CLK3: variants seen among roughly 807,000 people sequenced by gnomAD.
CLK3 encodes dual specificity protein kinase CLK3.
A neutral mutation model predicts 65.2 loss-of-function variants in CLK3; 24 were observed. That is an observed-to-expected ratio of 0.37 (90% CI 0.27 to 0.52). The LOEUF (loss-of-function observed/expected upper bound fraction) is 0.52. Ranked by LOEUF, CLK3 falls within the 20% of genes least tolerant of loss-of-function variation. The pLI, the probability that CLK3 is intolerant of heterozygous loss-of-function variation, is 0.92. For missense variants in CLK3, 506 were observed against 660.0 expected (o/e 0.77, Z 2.56); for synonymous variants, 252 against 240.8 (o/e 1.05, Z -0.43).
rs2062110841 is a variant in CLK3 at position 74,622,399 on chromosome 15, TTTTTTG to T, written c.467-88_467-83del. 3 of 1,135,470 alleles carry T rather than the reference TTTTTTG, an allele frequency of 2.6e-6. No homozygotes were observed. The highest frequency in any genetic ancestry group is 4.7e-5 in the East Asian group (2 of 42,232). 70.3% of individuals were successfully genotyped at this position (1,135,470 alleles called of 1,614,324 possible). A position where few individuals can be genotyped will look rare whatever the true frequency, so the allele number is the denominator to read the frequency against. On this transcript the variant is annotated intron_variant, in intron 4 of 12. Coordinates refer to ENST00000395066, the MANE Select transcript of CLK3 (RefSeq NM_001130028.2). The surrounding 1 kb of genome is among the most constrained non-coding windows in gnomAD (Gnocchi z 4.6). ...AGAGTGTAGCAGTGAGAGAGAAACC[TTTTTTG>T]TTTTTGAGAATTTGAATGCTGTGAA...
chr15:74,629,116 G>A (rs779619762), intron 12 of CLK3, 84 bp downstream of exon 12: 3 of 1,035,042 alleles, frequency 2.9e-6, no homozygotes, highest in Admixed American at 1.8e-5. Flanking sequence ...GACAGGCCAG[G>A]CCGCTAAAGG....
chr15:74,628,458 CAGG>C (rs1418326192), intron 10 of CLK3, 143 bp from the exon 11 acceptor site: 7 of 607,466 alleles, frequency 1.2e-5, no homozygotes, highest in Non-Finnish European at 1.8e-5. Flanking sequence ...CACAGGCTGG[CAGG>C]AGAAGCTGGG....
chr15:74,627,822 C>A lies in CLK3; in HGVS notation c.1043-148C>A. On this transcript the variant is annotated intron_variant, in intron 9 of 12. Coordinates refer to ENST00000395066, the MANE Select transcript of CLK3 (RefSeq NM_001130028.2). This position sits in a 1 kb window ranked among gnomAD's most constrained non-coding sequence, Gnocchi z 4.3. ...GTGTCATGAGACACAGGTGACTGAC[C>A]TGGCTTTATCTGTCAGCCTTACTGA... 2 of 1,230,844 alleles carry A rather than the reference C, an allele frequency of 1.6e-6. No individual in the cohort carries two copies. Among genetic ancestry groups the A allele is most frequent in the Non-Finnish European group, 2.4e-6 (2 of 850,902 alleles). The allele number at this position is 1,230,844 out of a possible 1,614,324, so 76.2% of individuals were successfully genotyped here.
chr15:74,622,473 C>T lies in CLK3; in HGVS notation c.467-21C>T, dbSNP rs756767880. ...CCCCCTGCCCTCCAGATTCTCATGC[C>T]CAATTTCTTTTCTCTCCTAGATGAG... On this transcript the variant is annotated intron_variant, in intron 4 of 12. Coordinates refer to ENST00000395066, the MANE Select transcript of CLK3 (RefSeq NM_001130028.2). This position sits in a 1 kb window ranked among gnomAD's most constrained non-coding sequence, Gnocchi z 4.6. 1.3e-6 allele frequency: 2 copies of T among 1,590,354 alleles called. No individual in the cohort carries two copies. Among genetic ancestry groups the T allele is most frequent in the Non-Finnish European group, 1.7e-6 (2 of 1,168,592 alleles).
Position 74,624,753 on chromosome 15 carries a change from T to C in CLK3, c.534-149T>C, listed in dbSNP as rs1055825019. ...GGGTGGGCAAAGGTCTGGTGTTGCA[T>C]GGGGCAGGCTGGGCATCCAGTATCT... On this transcript the variant is annotated intron_variant, in intron 5 of 12. Transcript: ENST00000395066. This position sits in a 1 kb window ranked among gnomAD's most constrained non-coding sequence, Gnocchi z 4.2. 8 of 639,502 alleles carry C rather than the reference T, an allele frequency of 1.3e-5. No homozygotes were observed. Among genetic ancestry groups the C allele is most frequent in the Non-Finnish European group, 2.3e-5 (8 of 346,856 alleles). The allele number at this position is 639,502 out of a possible 1,614,324, so 39.6% of individuals were successfully genotyped here.
rs1435948404 is a variant in CLK3 at position 74,624,224 on chromosome 15, G to C, written c.534-678G>C. 1 of 152,360 alleles carries C rather than the reference G, an allele frequency of 6.6e-6. No individual in the cohort carries two copies. The highest frequency in any genetic ancestry group is 1.5e-5 in the Non-Finnish European group (1 of 68,150). The allele number at this position is 152,360 out of a possible 1,614,324, so 9.4% of individuals were successfully genotyped here. On this transcript the variant is annotated intron_variant, in intron 5 of 12. Transcript: ENST00000395066. This position sits in a 1 kb window ranked among gnomAD's most constrained non-coding sequence, Gnocchi z 4.2. ...TTTCCTTCTCTGCTGGCTCCCTGCA[G>C]ATGGCCTCCTGGGGTGAGGTTGGGG...
intron 1 of CLK3, among the ~76,000 whole-genome samples, chr15:74,618,726 T>G (rs1325597556): frequency 6.6e-6 from 1 of 152,230 alleles, no homozygotes; most frequent in East Asian, 1.9e-4. Context: ...TTCTCAAACT[T>G]GAGGGCTTTG....
chr15:74,623,282 A>G (rs79672886), intron 5 of CLK3, among the ~76,000 whole-genome samples: 16 of 152,306 alleles, frequency 1.1e-4, no homozygotes, highest in African/African-American at 3.6e-4. Context: ...TAGGCTCTCT[A>G]GTTGGTTTGG....
At chr15:74,615,499 G>A, upstream of CLK3, 1 of 1,310,382 alleles carries the variant, frequency 7.6e-7, no homozygotes, top group Non-Finnish European at 9.7e-7. Context: ...CGGACCACGC[G>A]GGGTCGGGGC....
At chr15:74,626,757 A>T (rs1264338027) in intron 7 of CLK3, among the ~76,000 whole-genome samples, 4 of 152,126 alleles carry the variant, frequency 2.6e-5, no homozygotes, top group African/African-American at 9.7e-5. Context: ...TGAGTGCCAG[A>T]TGGGATCCTT....
upstream of CLK3, among the ~76,000 whole-genome samples, chr15:74,611,209 C>G (rs1485846576): frequency 1.3e-5 from 2 of 152,200 alleles, no homozygotes; most frequent in African/African-American, 2.4e-5. Context: ...AACACCGCAG[C>G]CTTGCTGGGG....
At chr15:74,615,599 CG>C, upstream of CLK3, 1 of 1,257,234 alleles carries the variant, frequency 8.0e-7, no homozygotes, top group Non-Finnish European at 1.0e-6. Context: ...CCTGTCAGGT[CG>C]GGGGACCTAC....
intron 1 of CLK3, among the ~76,000 whole-genome samples, chr15:74,616,957 C>T (rs2062065328): frequency 6.6e-6 from 1 of 152,190 alleles, no homozygotes; most frequent in African/African-American, 2.4e-5. Flanking sequence ...CCTTTAGCTG[C>T]TTTTTAAACA....
At chr15:74,609,478 C>T (rs571810301) in intron 1 of CLK3, among the ~76,000 whole-genome samples, 5 of 152,378 alleles carry the variant, frequency 3.3e-5, no homozygotes, top group Admixed American at 1.3e-4. Flanking sequence ...ACATTGGAAT[C>T]CCCCAGGAAT....
At chr15:74,615,718 C>G, upstream of CLK3, 15 of 1,238,764 alleles carry the variant, frequency 1.2e-5, no homozygotes, top group Non-Finnish European at 1.5e-5. Flanking sequence ...AGGGCTGGTG[C>G]CCCGGAGCCT....
At chr15:74,619,660 C>T (rs1401116720) in intron 2 of CLK3, among the ~76,000 whole-genome samples, 3 of 152,308 alleles carry the variant, frequency 2.0e-5, no homozygotes, top group African/African-American at 7.2e-5. Context: ...CATAACCTCA[C>T]CCCTGGAAAG....
In CLK3 at chr15:74,627,456, G is replaced by A. The variant is rs201379349; in HGVS notation, c.912+10G>A. The A allele has an allele frequency of 8.7e-6, 14 of 1,613,992 alleles. No homozygotes were observed. The East Asian group carries it at 3.1e-4, about 36-fold the overall frequency. On this transcript the variant is annotated intron_variant, in intron 8 of 12. Coordinates refer to ENST00000395066, the MANE Select transcript of CLK3 (RefSeq NM_001130028.2). The surrounding 1 kb of genome is among the most constrained non-coding windows in gnomAD (Gnocchi z 4.3). ...CTACAATGAGCACAAGGTATTGGTG[G>A]GGGTAAGGGTGAGGCCCTGTTTCAG...
intron 2 of CLK3, among the ~76,000 whole-genome samples, chr15:74,619,676 TC>T (rs2062086175): frequency 6.6e-6 from 1 of 152,112 alleles, no homozygotes; most frequent in East Asian, 1.9e-4. Flanking sequence ...GAAAGTTTGC[TC>T]CCTGGGCCTA....
At chr15:74,619,487 C>G in intron 2 of CLK3, 139 bp downstream of exon 2, 1 of 854,044 alleles carries the variant, frequency 1.2e-6, no homozygotes, top group Non-Finnish European at 1.8e-6. Context: ...GGCTCCTCCA[C>G]TAACCTCACC....
Sources: allele counts gnomAD v4.1 joint callset (sites outside exome capture counted in the v4.1 genomes callset), GRCh38; gene constraint gnomAD v4.1.1; non-coding constraint Gnocchi (gnomAD v3.1); transcripts MANE v1.5; gene names NCBI Gene and HGNC (gene_info 2026-07-23, HGNC 2026-07-21).